DLG2: variants seen among roughly 807,000 people sequenced by gnomAD.
DLG2 encodes the protein discs large MAGUK scaffold protein 2, also known as disks large homolog 2.
In DLG2, 45 loss-of-function variants were observed where a neutral mutation model predicts 132.5. The ratio of observed to expected loss-of-function variants is 0.34; its 90% confidence interval spans 0.27 to 0.44. DLG2 has a LOEUF of 0.44. Among genes scored for constraint, DLG2 ranks in the 20% least tolerant of loss-of-function variants. The pLI, the probability that DLG2 is intolerant of heterozygous loss-of-function variation, is 1.00. For synonymous variants in DLG2, 424 were observed against 419.6 expected, an observed-to-expected ratio of 1.01 and a Z score of -0.13; for missense variants, 1,045 against 1,196.9, an observed-to-expected ratio of 0.87 and a Z score of 1.87.
rs143632475 is a variant in DLG2, at chr11:83,931,282, A to G, written c.1341-799T>C. ...TTCTGCATCTTAATTTGAAAATATT[A>G]TTATACACAAAATGGTAGCTGATCT... On this transcript the variant is annotated intron_variant, in intron 14 of 27. Transcript: ENST00000376104. Among the ~76,000 whole-genome samples the G allele has an allele frequency of 2.1e-3, 315 of 152,360 alleles. 2 individuals are homozygous for G. The highest frequency in any genetic ancestry group is 7.1e-3 in the African/African-American group (297 of 41,582).
At chr11:85,590,772 C>CT (rs1013715221) in intron 3 of DLG2, among the ~76,000 whole-genome samples, 1 of 151,898 alleles carries the variant, frequency 6.6e-6, no homozygotes, top group Non-Finnish European at 1.5e-5. Flanking sequence ...AAGCCTATTG[C>CT]TTTTTTGCCA....
intron 10 of DLG2, among the ~76,000 whole-genome samples, chr11:84,098,332 C>A (rs1188642194): frequency 1.3e-5 from 2 of 152,190 alleles, no homozygotes; most frequent in Non-Finnish European, 2.9e-5. Flanking sequence ...AGCCACTGAG[C>A]CAGGCCATCC....
Position 85,031,077 on chromosome 11 carries a change from C to CT in DLG2, c.357+80583dup, listed in dbSNP as rs1016914080. Among the ~76,000 whole-genome samples the CT allele has an allele frequency of 4.0e-5, 6 of 151,418 alleles. 1 individual carries two copies. The highest frequency in any genetic ancestry group is 2.0e-4 in the Admixed American group (3 of 15,218). ...ATTTCAGAGTAATCTATGATTTCAG[C>CT]TTTTTTTTATATATAGGTTCTATTT... is the stretch of plus-strand genomic sequence containing the variant. On this transcript the variant is annotated intron_variant, in intron 6 of 27. Transcript: ENST00000376104.
At chr11:85,122,343 T>A (rs997574654) in intron 5 of DLG2, among the ~76,000 whole-genome samples, 6 of 152,130 alleles carry the variant, frequency 3.9e-5, no homozygotes, top group Non-Finnish European at 8.8e-5. Flanking sequence ...TTAAGAAATG[T>A]ATTAGGGAAG....
chr11:84,442,584 A>C (rs1004481526), intron 7 of DLG2, among the ~76,000 whole-genome samples: 1 of 152,120 alleles, frequency 6.6e-6, no homozygotes, highest in African/African-American at 2.4e-5. Context: ...AATGTAGATG[A>C]CAAGTTGATG....
At chr11:84,244,688 A>G (rs908249805) in intron 8 of DLG2, among the ~76,000 whole-genome samples, 1 of 152,260 alleles carries the variant, frequency 6.6e-6, no homozygotes, top group South Asian at 2.1e-4. Context: ...TTGGAACTGC[A>G]TTCCCAATAG....
At chr11:83,464,728 C>G (rs184914521) in intron 26 of DLG2, among the ~76,000 whole-genome samples, 31 of 152,304 alleles carry the variant, frequency 2.0e-4, no homozygotes, top group Non-Finnish European at 7.4e-5. Context: ...GGGACTGTCT[C>G]CTAATATTGC....
chr11:83,913,218 T>C (rs1000019611), intron 15 of DLG2, among the ~76,000 whole-genome samples: 8 of 152,144 alleles, frequency 5.3e-5, no homozygotes, highest in African/African-American at 1.4e-4. Context: ...CTGTCTGCTA[T>C]GGTCTCTGTT....
At chr11:84,487,492 G>A (rs1002687129) in intron 7 of DLG2, among the ~76,000 whole-genome samples, 9 of 151,996 alleles carry the variant, frequency 5.9e-5, no homozygotes, top group Admixed American at 5.9e-4. Flanking sequence ...TATTTTTGTT[G>A]CCAAAGTTCT....
At chr11:84,537,736 T>C in intron 6 of DLG2, among the ~76,000 whole-genome samples, 1 of 152,232 alleles carries the variant, frequency 6.6e-6, no homozygotes, top group East Asian at 1.9e-4. Flanking sequence ...CACATTGGTA[T>C]TGTTTATTCT....
chr11:85,180,958 TTC>T (rs2079650413), intron 4 of DLG2, among the ~76,000 whole-genome samples: 1 of 151,858 alleles, frequency 6.6e-6, no homozygotes, highest in Non-Finnish European at 1.5e-5. Context: ...CCAAAATCCA[TTC>T]TGTTTCTGAA....
intron 9 of DLG2, among the ~76,000 whole-genome samples, chr11:84,119,268 G>A (rs374612219): frequency 2.6e-5 from 4 of 151,910 alleles, no homozygotes; most frequent in Admixed American, 2.0e-4. Context: ...CCCAAATACC[G>A]CTATTTCACA....
At chr11:83,565,565 T>C (rs1186270633) in intron 19 of DLG2, among the ~76,000 whole-genome samples, 1 of 152,214 alleles carries the variant, frequency 6.6e-6, no homozygotes, top group Non-Finnish European at 1.5e-5. Flanking sequence ...GAGTACACAG[T>C]GAAATTTTTC....
At chr11:83,985,693 C>A (rs1356587850) in intron 11 of DLG2, among the ~76,000 whole-genome samples, 17 of 152,010 alleles carry the variant, frequency 1.1e-4, no homozygotes, top group Admixed American at 1.1e-3. Context: ...GATCTCATTC[C>A]TTTTTATGGC....
At chr11:84,113,583 C>T (rs2093473911) in intron 9 of DLG2, among the ~76,000 whole-genome samples, 1 of 152,122 alleles carries the variant, frequency 6.6e-6, no homozygotes, top group Admixed American at 6.6e-5. Context: ...AGCTGACAAG[C>T]TTTCTGACTT....
At chr11:84,115,362 T>C (rs971641706) in intron 9 of DLG2, among the ~76,000 whole-genome samples, 15 of 152,330 alleles carry the variant, frequency 9.8e-5, no homozygotes, top group African/African-American at 3.6e-4. Flanking sequence ...CACAGGTATA[T>C]GTTGGGAGAC....
intron 7 of DLG2, among the ~76,000 whole-genome samples, chr11:84,499,671 A>C (rs939591548): frequency 1.3e-5 from 2 of 152,184 alleles, no homozygotes; most frequent in African/African-American, 4.8e-5. Flanking sequence ...CCAGGTTAGC[A>C]GATCAAAGCA....
At chr11:85,035,779 C>T (rs904372786) in intron 6 of DLG2, among the ~76,000 whole-genome samples, 1 of 152,086 alleles carries the variant, frequency 6.6e-6, no homozygotes, top group African/African-American at 2.4e-5. Context: ...TTTGGCTGGG[C>T]CCGATGAGGC....
chr11:85,316,103 C>T (rs766290782), intron 3 of DLG2, among the ~76,000 whole-genome samples: 3 of 151,832 alleles, frequency 2.0e-5, no homozygotes, highest in South Asian at 2.1e-4. Context: ...GAGCACAGCT[C>T]GAACAGGTCA....
Sources: allele counts gnomAD v4.1 joint callset (sites outside exome capture counted in the v4.1 genomes callset), GRCh38; gene constraint gnomAD v4.1.1; transcripts MANE v1.5; gene names NCBI Gene and HGNC (gene_info 2026-07-23, HGNC 2026-07-21).